IQCM: variants seen among roughly 807,000 people sequenced by gnomAD.
IQCM encodes IQ domain-containing protein M.
A neutral mutation model predicts 57.6 loss-of-function variants in IQCM; 45 were observed. That is an observed-to-expected ratio of 0.78 (90% CI 0.62 to 1.00). The LOEUF is 1.00. Ranked by LOEUF, IQCM falls within the 50% of genes least tolerant of loss-of-function variation. The probability of loss-of-function intolerance (pLI) is 0.00; values close to 1 mark genes in which losing one functional copy is unlikely to be tolerated. For synonymous variants in IQCM, 148 were observed against 158.9 expected, an observed-to-expected ratio of 0.93 and a Z score of 0.51; for missense variants, 468 against 511.6, an observed-to-expected ratio of 0.91 and a Z score of 0.82.
At chr4:149,549,608 T>G (rs1401274968) in intron 11 of IQCM, among the ~76,000 whole-genome samples, 1 of 152,228 alleles carries the variant, frequency 6.6e-6, no homozygotes, top group Non-Finnish European at 1.5e-5. Context: ...TGACACTGAG[T>G]TTCTACTTTG....
intron 7 of IQCM, among the ~76,000 whole-genome samples, chr4:149,672,503 G>T (rs763342127): frequency 6.6e-6 from 1 of 152,062 alleles, no homozygotes; most frequent in South Asian, 2.1e-4. Context: ...TAGCTGATTC[G>T]GTCAACTGGA....
intron 2 of IQCM, among the ~76,000 whole-genome samples, chr4:149,783,852 C>G (rs1482650064): frequency 6.6e-6 from 1 of 152,048 alleles, no homozygotes; most frequent in Non-Finnish European, 1.5e-5. Context: ...GAGGCAGCCT[C>G]CAGTTGACAG....
At chr4:149,752,796 G>A (rs17026427) in intron 2 of IQCM, among the ~76,000 whole-genome samples, 3 of 152,144 alleles carry the variant, frequency 2.0e-5, no homozygotes, top group East Asian at 1.9e-4. Flanking sequence ...GGATCACAGC[G>A]AGGCTCTGCT....
intron 13 of IQCM, among the ~76,000 whole-genome samples, chr4:149,384,178 G>T (rs759433550): frequency 2.0e-5 from 3 of 152,048 alleles, no homozygotes; most frequent in Non-Finnish European, 2.9e-5. Flanking sequence ...TATATCAGAA[G>T]TTATAATTGC....
chr4:149,357,402 A>ATAGC (rs1729084312), intron 13 of IQCM, among the ~76,000 whole-genome samples: 1 of 152,122 alleles, frequency 6.6e-6, no homozygotes, highest in African/African-American at 2.4e-5. Flanking sequence ...AGCTCTTATT[A>ATAGC]TTTTGAGATA....
At chr4:149,477,333 G>A (rs977628972) in intron 12 of IQCM, among the ~76,000 whole-genome samples, 3 of 152,088 alleles carry the variant, frequency 2.0e-5, no homozygotes, top group Non-Finnish European at 4.4e-5. Context: ...GATGAACTGG[G>A]AGGCTATGAT....
intron 5 of IQCM, among the ~76,000 whole-genome samples, chr4:149,688,425 T>TA (rs1302126806): frequency 6.6e-6 from 1 of 151,904 alleles, no homozygotes; most frequent in African/African-American, 2.4e-5. Flanking sequence ...CAAGGAAAAC[T>TA]AAAAAACACT....
rs950674232 is a variant in IQCM, at chr4:149,757,765, G to GTA, written c.-48-15028_-48-15027dup. Among the ~76,000 whole-genome samples the GTA allele has an allele frequency of 8.4e-5, 12 of 143,422 alleles. No homozygotes were observed. The South Asian group carries it at 2.0e-3, about 24-fold the overall frequency. The allele number at this position is 143,422 out of a possible 152,430, so 94.1% of individuals were successfully genotyped here. A position where few individuals can be genotyped will look rare whatever the true frequency, so the allele number is the denominator to read the frequency against. ...TATGTGTGTGTGTGTGTGTGTGTGT[G>GTA]TATATTTCTGCAGAAAAAATACATA... On this transcript the variant is annotated intron_variant, in intron 2 of 13. Transcript: ENST00000636793.
intron 2 of IQCM, among the ~76,000 whole-genome samples, chr4:149,785,835 T>G (rs897577576): frequency 6.2e-4 from 91 of 147,818 alleles, no homozygotes; most frequent in African/African-American, 2.2e-3. Context: ...AAAAAAAAAA[T>G]CTTAGCCCTC....
intron 12 of IQCM, among the ~76,000 whole-genome samples, chr4:149,488,166 G>A (rs1560904428): frequency 6.6e-6 from 1 of 152,002 alleles, no homozygotes; most frequent in Non-Finnish European, 1.5e-5. Context: ...TTGTTATGCT[G>A]TTAAGGATTT....
intron 2 of IQCM, among the ~76,000 whole-genome samples, chr4:149,785,664 C>A (rs1772013859): frequency 6.6e-6 from 1 of 151,858 alleles, no homozygotes; most frequent in South Asian, 2.1e-4. Flanking sequence ...CTTAATTAAA[C>A]CTTCATAATA....
At chr4:149,604,347 G>A (rs984815193) in intron 8 of IQCM, among the ~76,000 whole-genome samples, 1 of 152,082 alleles carries the variant, frequency 6.6e-6, no homozygotes, top group Non-Finnish European at 1.5e-5. Flanking sequence ...TACCACTGCT[G>A]CTGCATGTGT....
intron 12 of IQCM, among the ~76,000 whole-genome samples, chr4:149,446,141 C>A (rs1425608509): frequency 1.3e-5 from 2 of 151,662 alleles, no homozygotes; most frequent in Non-Finnish European, 3.0e-5. Context: ...ACTTAAAATA[C>A]TAAAAATATA....
chr4:149,600,867 C>T (rs558768810), intron 8 of IQCM, among the ~76,000 whole-genome samples: 71 of 152,222 alleles, frequency 4.7e-4, no homozygotes, highest in South Asian at 4.1e-3. Flanking sequence ...TATCCAAATA[C>T]CTAGAAAATT....
chr4:149,498,324 C>A (rs1344390135), intron 12 of IQCM, among the ~76,000 whole-genome samples: 1 of 152,042 alleles, frequency 6.6e-6, no homozygotes, highest in African/African-American at 2.4e-5. Flanking sequence ...GACTCTTGGA[C>A]CAAAGAAAAA....
chr4:149,776,713 T>A (rs1479319883), intron 2 of IQCM, among the ~76,000 whole-genome samples: 1 of 152,152 alleles, frequency 6.6e-6, no homozygotes, highest in Non-Finnish European at 1.5e-5. Context: ...TTTTAAAATG[T>A]AAAGAGGGAT....
At chr4:149,513,484 C>T (rs1005798033) in intron 12 of IQCM, among the ~76,000 whole-genome samples, 12 of 151,994 alleles carry the variant, frequency 7.9e-5, no homozygotes, top group African/African-American at 2.9e-4. Flanking sequence ...GCAAGCTTTC[C>T]AAATGGAAGT....
At chr4:149,617,254 C>A (rs561797925) in intron 8 of IQCM, among the ~76,000 whole-genome samples, 19 of 152,016 alleles carry the variant, frequency 1.2e-4, no homozygotes, top group Non-Finnish European at 2.4e-4. Flanking sequence ...TGCACCCAGC[C>A]AATATCCTGG....
chr4:149,620,081 C>A (rs373373543), intron 8 of IQCM, among the ~76,000 whole-genome samples: 1 of 152,046 alleles, frequency 6.6e-6, no homozygotes, highest in Non-Finnish European at 1.5e-5. Flanking sequence ...CACTTAAACC[C>A]GGCAGGTGGA....
Sources: gnomAD v4.1 joint callset for allele counts (sites outside exome capture counted in the v4.1 genomes callset) on GRCh38, gnomAD v4.1.1 for gene constraint, MANE v1.5 for transcripts, NCBI Gene and HGNC (gene_info 2026-07-23, HGNC 2026-07-21) for gene names.